The following NLGN1 variants were observed in gnomAD, a reference collection of about 807,000 sequenced individuals.
NLGN1 encodes the protein neuroligin-1.
Under a neutral mutation model 65.5 loss-of-function variants are expected in NLGN1, and 12 were observed. The observed-to-expected ratio is 0.18, with a 90% CI of 0.12 to 0.30. The LOEUF (loss-of-function observed/expected upper bound fraction) is 0.30, where lower values mean the gene tolerates loss of function less well. Ranked by LOEUF, NLGN1 falls within the 10% of genes least tolerant of loss-of-function variation. NLGN1 has a pLI of 1.00. For missense variants in NLGN1, 750 were observed against 1,007.1 expected (o/e 0.74, Z 3.46); for synonymous variants, 350 against 359.5 (o/e 0.97, Z 0.30).
chr3:173,409,439 C>T (rs1051644334), intron 1 of NLGN1, among the ~76,000 whole-genome samples: 2 of 152,016 alleles, frequency 1.3e-5, no homozygotes, highest in African/African-American at 4.8e-5. Context: ...CACTAGAAAA[C>T]GTGTCACTGG....
At chr3:173,446,221 C>G (rs1478234621) in intron 2 of NLGN1, among the ~76,000 whole-genome samples, 5 of 59,534 alleles carry the variant, frequency 8.4e-5, no homozygotes, top group Admixed American at 4.4e-4. Context: ...CCCCCTACCC[C>G]CACCCCACAA....
chr3:173,813,369 A>G lies in NLGN1; in HGVS notation c.646+5537A>G, dbSNP rs76858055. ...ATATTTAAGAGTAATATTTAAACAA[A>G]TGTTAAATTTTATGCGATTGTAATA... On this transcript the variant is annotated intron_variant, in intron 4 of 6. Coordinates refer to ENST00000457714, the Ensembl canonical transcript of NLGN1. Among the ~76,000 whole-genome samples the G allele has an allele frequency of 2.0e-3, 309 of 152,358 alleles. 1 individual carries two copies. The highest frequency in any genetic ancestry group is 3.5e-3 in the Non-Finnish European group (236 of 68,032).
At chr3:173,540,631 C>T (rs1281327250) in intron 2 of NLGN1, among the ~76,000 whole-genome samples, 1 of 152,156 alleles carries the variant, frequency 6.6e-6, no homozygotes, top group African/African-American at 2.4e-5. Flanking sequence ...CCAGGAAGTG[C>T]AGCCCTGCCA....
At chr3:174,258,827 T>C (rs1464570327) in intron 4 of NLGN1, among the ~76,000 whole-genome samples, 1 of 151,924 alleles carries the variant, frequency 6.6e-6, no homozygotes, top group Non-Finnish European at 1.5e-5. Flanking sequence ...GAGTTCAGGT[T>C]TGATAGGAGA....
chr3:173,656,498 A>G (rs887175020), intron 3 of NLGN1, among the ~76,000 whole-genome samples: 6 of 151,968 alleles, frequency 3.9e-5, no homozygotes, highest in East Asian at 1.9e-4. Flanking sequence ...AATGTCACTT[A>G]GTGAAAATGT....
At chr3:173,699,807 A>G (rs1470340160) in intron 3 of NLGN1, among the ~76,000 whole-genome samples, 1 of 152,254 alleles carries the variant, frequency 6.6e-6, no homozygotes, top group South Asian at 2.1e-4. Flanking sequence ...GACACACTGT[A>G]AAATACCTCA....
chr3:173,932,995 A>T (rs1223625837), intron 4 of NLGN1, among the ~76,000 whole-genome samples: 2 of 152,146 alleles, frequency 1.3e-5, no homozygotes, highest in East Asian at 3.9e-4. Context: ...GTGGGTAAGG[A>T]TGGGATTTAT....
intron 4 of NLGN1, among the ~76,000 whole-genome samples, chr3:174,154,831 GATATTGTAGATAGAT>G (rs1236942665): frequency 3.2e-5 from 3 of 93,854 alleles, no homozygotes; most frequent in African/African-American, 1.7e-4. Context: ...TAGATATATA[GATATTGTAGATAGAT>G]ATATTGTAGA....
chr3:173,419,020 CTTTTTTTTTTTTTTTTTTTTTTTT>C (rs59051811), intron 1 of NLGN1, among the ~76,000 whole-genome samples: 5 of 12,266 alleles, frequency 4.1e-4, no homozygotes, highest in South Asian at 5.5e-3. Context: ...TCTTCTTCTT[CTTTTTTTTTTTTTTTTTTTTTTTT>C]TTTTTTTTTT....
intron 4 of NLGN1, among the ~76,000 whole-genome samples, chr3:173,867,020 C>G (rs1302694686): frequency 6.6e-6 from 1 of 152,106 alleles, no homozygotes; most frequent in Admixed American, 6.6e-5. Context: ...CAGCCATAAA[C>G]GGCATAGTAC....
At chr3:174,104,093 T>C (rs1348313029) in intron 4 of NLGN1, among the ~76,000 whole-genome samples, 2 of 152,110 alleles carry the variant, frequency 1.3e-5, no homozygotes, top group Non-Finnish European at 2.9e-5. Context: ...TCGCAGTCTT[T>C]TGCAGTAGCT....
chr3:174,089,746 G>A lies in NLGN1; in HGVS notation c.647-185569G>A, dbSNP rs534566188. ...CGAGAGAGCTTTACAGTATTCATGTGGAGTGTGCTGCAGATCCACTTAATC... is the reference window on the plus strand; with the variant it reads ...CGAGAGAGCTTTACAGTATTCATGTAGAGTGTGCTGCAGATCCACTTAATC... On this transcript the variant is annotated intron_variant, in intron 4 of 6. Transcript: ENST00000457714. Among the ~76,000 whole-genome samples, 72 of 152,256 alleles carry A rather than the reference G, an allele frequency of 4.7e-4. 2 individuals are homozygous for A. In the South Asian group the frequency reaches 0.015, roughly 31 times the overall value.
At chr3:173,786,842 C>T (rs142409024) in intron 3 of NLGN1, among the ~76,000 whole-genome samples, 220 of 152,012 alleles carry the variant, frequency 1.4e-3, no homozygotes, top group African/African-American at 5.1e-3. Flanking sequence ...TTTGGGAGGC[C>T]GAGGAGGGTG....
At chr3:173,483,572 C>T (rs1481790876) in intron 2 of NLGN1, among the ~76,000 whole-genome samples, 1 of 151,972 alleles carries the variant, frequency 6.6e-6, no homozygotes, top group Non-Finnish European at 1.5e-5. Flanking sequence ...ATAGAATCTA[C>T]AAACAGTTAA....
At chr3:174,158,846 C>T (rs1159969345) in intron 4 of NLGN1, among the ~76,000 whole-genome samples, 4 of 151,576 alleles carry the variant, frequency 2.6e-5, no homozygotes, top group Admixed American at 6.6e-5. Flanking sequence ...CTGAACTCCA[C>T]CTTGTTATCC....
At chr3:174,266,897 TG>T (rs1748358592) in intron 4 of NLGN1, among the ~76,000 whole-genome samples, 1 of 152,150 alleles carries the variant, frequency 6.6e-6, no homozygotes, top group African/African-American at 2.4e-5. Context: ...AATGGATAAG[TG>T]GTTTATTCTA....
chr3:173,702,195 C>T lies in NLGN1; in HGVS notation c.493+97104C>T, dbSNP rs146407651. ...CGGAGCTTGCAGTGAGCCGAGATCC[C>T]GCCACTGCACTCCAGCCTGGGCGAC... is the stretch of plus-strand genomic sequence containing the variant. On this transcript the variant is annotated intron_variant, in intron 3 of 6. Coordinates refer to ENST00000457714, the Ensembl canonical transcript of NLGN1. Among the ~76,000 whole-genome samples the T allele has an allele frequency of 5.3e-3, 795 of 148,854 alleles. 5 individuals are homozygous for T. The highest frequency in any genetic ancestry group is 0.019 in the African/African-American group (761 of 40,530).
intron 4 of NLGN1, among the ~76,000 whole-genome samples, chr3:174,251,272 G>A (rs1184051817): frequency 6.6e-6 from 1 of 152,174 alleles, no homozygotes; most frequent in East Asian, 1.9e-4. Context: ...TGTAAGAAAT[G>A]GTTGGATAGC....
chr3:174,092,425 C>CA (rs755590752), intron 4 of NLGN1, among the ~76,000 whole-genome samples: 18 of 151,344 alleles, frequency 1.2e-4, no homozygotes, highest in Non-Finnish European at 1.9e-4. Flanking sequence ...AGGATTTTGG[C>CA]AAAAAAGTTT....
Sources: allele counts gnomAD v4.1 joint callset (sites outside exome capture counted in the v4.1 genomes callset), GRCh38; gene constraint gnomAD v4.1.1; transcripts MANE v1.5; gene names NCBI Gene and HGNC (gene_info 2026-07-23, HGNC 2026-07-21).